The following JAKMIP3 variants were observed in gnomAD, a reference collection of about 807,000 sequenced individuals.
JAKMIP3 encodes the protein Janus kinase and microtubule interacting protein 3.
A neutral mutation model predicts 118.5 loss-of-function variants in JAKMIP3; 58 were observed. The ratio of observed to expected loss-of-function variants is 0.49; its 90% CI spans 0.40 to 0.61. The LOEUF (loss-of-function observed/expected upper bound fraction) is 0.61. JAKMIP3 is among the 20% of genes least tolerant of loss of function. JAKMIP3 has a pLI of 0.00. For synonymous variants in JAKMIP3, 486 were observed against 451.2 expected (o/e 1.08, Z -0.98); for missense variants, 950 against 1,109.0 (o/e 0.86, Z 2.04).
At chr10:132,146,770 C>G (rs1346647009) in intron 13 of JAKMIP3, among the ~76,000 whole-genome samples, 2 of 152,182 alleles carry the variant, frequency 1.3e-5, no homozygotes, top group Admixed American at 1.3e-4. Context: ...TGGTTTGCAT[C>G]TTGAATGGCG....
At chr10:132,141,827 G>A in intron 10 of JAKMIP3, 93 bp from the exon 11 acceptor site, 5 of 1,400,214 alleles carry the variant, frequency 3.6e-6, no homozygotes, top group Middle Eastern at 1.8e-4. Context: ...TTGATATCTG[G>A]GGAGAAGGGA....
intron 3 of JAKMIP3, among the ~76,000 whole-genome samples, chr10:132,124,962 A>G (rs1262870892): frequency 6.6e-6 from 1 of 152,082 alleles, no homozygotes; most frequent in Non-Finnish European, 1.5e-5. Flanking sequence ...ACACCTGCTC[A>G]TGTCTTCCCT....
At chr10:132,129,834 C>T (rs1276829295) in intron 3 of JAKMIP3, among the ~76,000 whole-genome samples, 1 of 151,998 alleles carries the variant, frequency 6.6e-6, no homozygotes, top group Non-Finnish European at 1.5e-5. Flanking sequence ...ATGCCAACTA[C>T]CCCATCACGT....
Position 132,163,426 on chromosome 10 carries a change from G to C in JAKMIP3, c.2424+14G>C. The C allele has an allele frequency of 6.3e-7, 1 of 1,584,778 alleles. No homozygotes were observed. The highest frequency in any genetic ancestry group is 8.5e-7 in the Non-Finnish European group (1 of 1,172,936). ...CTGGCTCAGCAGGTGTGTGGCAGGC[G>C]GGGGCAGGGCTGGCGTGAAGACCTG... On this transcript the variant is annotated intron_variant, in intron 20 of 23. Transcript: ENST00000684848.
At position 132,163,400 on chromosome 10, in the gene JAKMIP3, G is replaced by C; in HGVS notation, c.2412G>C (p.Gln804His). 1 of 1,599,910 alleles carries C rather than the reference G, an allele frequency of 6.3e-7. No homozygotes were observed. The highest frequency in any genetic ancestry group is 8.5e-7 in the Non-Finnish European group (1 of 1,178,096). Residue 804 changes from glutamine to histidine, a missense_variant, in exon 20 of 24, where the codon CAG becomes CAC. Physicochemically the swap from Gln to His is conservative, Grantham distance 24. Transcript: ENST00000684848. ...QILRERMELL[Q>H]LAQQRIKELE... ...TGCGGGAGCGCATGGAGCTGCTGCA[G>C]CTGGCTCAGCAGGTGTGTGGCAGGC...
chr10:132,036,861 G>A (rs1200086087), intron 1 of JAKMIP3, among the ~76,000 whole-genome samples: 2 of 151,906 alleles, frequency 1.3e-5, no homozygotes. Context: ...ACGTCCCGAG[G>A]GAGGGGGTCC....
At chr10:132,056,227 C>A (rs2038232840) in intron 1 of JAKMIP3, among the ~76,000 whole-genome samples, 1 of 152,200 alleles carries the variant, frequency 6.6e-6, no homozygotes, top group African/African-American at 2.4e-5. Flanking sequence ...AGTGAGGGCG[C>A]CTCTCAGCAC....
intron 13 of JAKMIP3, among the ~76,000 whole-genome samples, chr10:132,147,477 G>A (rs1167418929): frequency 6.6e-6 from 1 of 152,208 alleles, no homozygotes; most frequent in Admixed American, 6.5e-5. Flanking sequence ...AGGCAGCCGT[G>A]GTACCCGCTC....
intron 1 of JAKMIP3, among the ~76,000 whole-genome samples, chr10:132,043,962 T>C (rs2037834169): frequency 6.6e-6 from 1 of 152,276 alleles, no homozygotes; most frequent in Non-Finnish European, 1.5e-5. Context: ...CTTATCCTGC[T>C]GGGCCTGCGT....
chr10:132,111,571 T>C (rs2046883628), intron 2 of JAKMIP3, among the ~76,000 whole-genome samples: 1 of 151,726 alleles, frequency 6.6e-6, no homozygotes, highest in Non-Finnish European at 1.5e-5. Context: ...TAGTAACCTA[T>C]AGTCTGCCTG....
chr10:132,036,914 T>G (rs1158371707), intron 1 of JAKMIP3, among the ~76,000 whole-genome samples: 1 of 151,764 alleles, frequency 6.6e-6, no homozygotes, highest in Non-Finnish European at 1.5e-5. Flanking sequence ...CCTCCTTGCC[T>G]CTCCCGGCGG....
At chr10:132,130,921 C>T (rs915304253) in intron 3 of JAKMIP3, among the ~76,000 whole-genome samples, 8 of 151,624 alleles carry the variant, frequency 5.3e-5, no homozygotes, top group Non-Finnish European at 7.4e-5. Flanking sequence ...TATGGACAGC[C>T]GTCACAGGTG....
intron 16 of JAKMIP3, among the ~76,000 whole-genome samples, chr10:132,151,105 C>G (rs921900968): frequency 6.6e-6 from 1 of 152,106 alleles, no homozygotes; most frequent in Non-Finnish European, 1.5e-5. Flanking sequence ...CATAATCCAT[C>G]TATTCATTCT....
chr10:132,136,613 C>T (rs76677944), intron 6 of JAKMIP3, among the ~76,000 whole-genome samples: 2,282 of 152,296 alleles, frequency 0.015, 61 homozygotes, highest in African/African-American at 0.052. Flanking sequence ...GGGGGAGAGG[C>T]GCTCTCCTTA....
At chr10:132,116,119 G>A (rs777905750) in intron 2 of JAKMIP3, among the ~76,000 whole-genome samples, 12 of 152,196 alleles carry the variant, frequency 7.9e-5, no homozygotes, top group Admixed American at 6.5e-5. Flanking sequence ...CCTTTTCTCC[G>A]CGGTTTCAAA....
Position 132,163,221 on chromosome 10 carries a change from C to T in JAKMIP3, c.2233C>T (p.Leu745=). The T allele has an allele frequency of 6.4e-7, 1 of 1,561,120 alleles. No homozygotes were observed. Among genetic ancestry groups the T allele is most frequent in the Non-Finnish European group, 8.7e-7 (1 of 1,153,002 alleles). ...LDQANKHILE[L]EAMLYDALQQ... ...CCTTCCGCCCCAGCACATCCTGGAG[C>T]TGGAAGCCATGCTGTATGATGCCCT... is the stretch of plus-strand genomic sequence containing the variant. Residue 745 remains leucine (L), a synonymous_variant, in exon 20 of 24, where the codon CTG becomes TTG. Transcript: ENST00000684848.
intron 1 of JAKMIP3, among the ~76,000 whole-genome samples, chr10:132,103,513 G>GA (rs1310551531): frequency 2.1e-5 from 3 of 143,278 alleles, no homozygotes; most frequent in African/African-American, 2.7e-5. Flanking sequence ...TAGCTTGGTG[G>GA]GGGGAGCCTC....
In JAKMIP3 at chr10:132,117,684, G is replaced by T. The variant is rs997742782; in HGVS notation, c.633+110G>T. 5.0e-6 allele frequency: 6 copies of T among 1,197,568 alleles called. No homozygotes were observed. Among genetic ancestry groups the T allele is most frequent in the Non-Finnish European group, 6.4e-6 (6 of 935,264 alleles). The allele number at this position is 1,197,568 out of a possible 1,614,324, so 74.2% of individuals were successfully genotyped here. A position where few individuals can be genotyped will look rare whatever the true frequency, so the allele number is the denominator to read the frequency against. On this transcript the variant is annotated intron_variant, in intron 3 of 23. Coordinates refer to ENST00000684848, the MANE Select transcript of JAKMIP3 (RefSeq NM_001323087.2). This position sits in a 1 kb window ranked among gnomAD's most constrained non-coding sequence, Gnocchi z 8.6. Reference sequence around the variant, plus strand: ...GCAGGCGTGGGCTCGGGGAGCACGCGGGCAGCACCGGCTTCACCCCCCATG... The same window carrying T: ...GCAGGCGTGGGCTCGGGGAGCACGCTGGCAGCACCGGCTTCACCCCCCATG...
At chr10:132,147,046 G>A (rs749029053) in intron 13 of JAKMIP3, among the ~76,000 whole-genome samples, 4 of 152,206 alleles carry the variant, frequency 2.6e-5, no homozygotes, top group African/African-American at 7.2e-5. Context: ...GCTTGTGCAC[G>A]TACACACATG....
Sources: gnomAD v4.1 joint callset for allele counts (sites outside exome capture counted in the v4.1 genomes callset) on GRCh38, gnomAD v4.1.1 for gene constraint, Gnocchi (gnomAD v3.1) non-coding constraint, MANE v1.5 for transcripts, NCBI Gene and HGNC (gene_info 2026-07-23, HGNC 2026-07-21) for gene names.